The following BMPR1B variants were observed in gnomAD, a reference collection of about 807,000 sequenced individuals.
The protein encoded by BMPR1B is bone morphogenetic protein receptor type-1B.
Under a neutral mutation model 59.1 loss-of-function variants are expected in BMPR1B, and 12 were observed. The ratio of observed to expected loss-of-function variants is 0.20; its 90% CI spans 0.13 to 0.33. BMPR1B has a LOEUF of 0.33. Among genes scored for constraint, BMPR1B ranks in the 10% least tolerant of loss-of-function variants. The pLI, the probability that BMPR1B is intolerant of heterozygous loss-of-function variation, is 1.00. For missense variants in BMPR1B, 550 were observed against 610.9 expected (o/e 0.90, Z 1.05); for synonymous variants, 237 against 207.3 (o/e 1.14, Z -1.23).
At chr4:94,941,516 A>G (rs1027786468) in intron 2 of BMPR1B, among the ~76,000 whole-genome samples, 3 of 152,172 alleles carry the variant, frequency 2.0e-5, no homozygotes, top group Non-Finnish European at 4.4e-5. Context: ...GTTAAAATCA[A>G]TATTTTCTTT....
chr4:94,848,300 C>T (rs997873613), intron 1 of BMPR1B, among the ~76,000 whole-genome samples: 9 of 152,124 alleles, frequency 5.9e-5, no homozygotes, highest in African/African-American at 2.2e-4. Context: ...CATTAAACCC[C>T]CAACATGCCC....
intron 10 of BMPR1B, among the ~76,000 whole-genome samples, chr4:95,143,097 C>T (rs1455201406): frequency 6.6e-6 from 1 of 152,140 alleles, no homozygotes; most frequent in Admixed American, 6.5e-5. Flanking sequence ...GCTGAAGGCT[C>T]CACTTTCAGC....
At chr4:94,763,717 C>T (rs1376277600) in intron 1 of BMPR1B, among the ~76,000 whole-genome samples, 5 of 152,254 alleles carry the variant, frequency 3.3e-5, no homozygotes, top group Admixed American at 1.3e-4. Context: ...TGATGATTTA[C>T]GAATGTAAAA....
chr4:94,848,667 C>G (rs1318276859), intron 1 of BMPR1B, among the ~76,000 whole-genome samples: 3 of 152,092 alleles, frequency 2.0e-5, no homozygotes, highest in African/African-American at 7.2e-5. Context: ...ATAATATGAA[C>G]TATCATTGAT....
chr4:95,052,732 A>G (rs865962435), intron 3 of BMPR1B, among the ~76,000 whole-genome samples: 4 of 152,276 alleles, frequency 2.6e-5, no homozygotes, highest in Middle Eastern at 3.4e-3. Context: ...CCCTACGGAA[A>G]AAGTTTTTAA....
At chr4:95,125,948 A>G (rs1351311839) in intron 8 of BMPR1B, among the ~76,000 whole-genome samples, 2 of 152,088 alleles carry the variant, frequency 1.3e-5, no homozygotes, top group Non-Finnish European at 2.9e-5. Context: ...CCTGGGCTCT[A>G]GCATCACCTT....
At chr4:94,960,265 T>C (rs1209675604) in intron 2 of BMPR1B, among the ~76,000 whole-genome samples, 4 of 152,186 alleles carry the variant, frequency 2.6e-5, no homozygotes, top group Non-Finnish European at 5.9e-5. Context: ...AGCTGTAGTA[T>C]TAAGACTCTT....
intron 1 of BMPR1B, among the ~76,000 whole-genome samples, chr4:94,798,560 A>G (rs1367148999): frequency 1.3e-5 from 2 of 152,116 alleles, no homozygotes; most frequent in African/African-American, 4.8e-5. Context: ...CCTTGCTCCC[A>G]CGGACGTTTA....
chr4:94,836,170 T>C (rs916369984), intron 1 of BMPR1B, among the ~76,000 whole-genome samples: 12 of 149,894 alleles, frequency 8.0e-5, no homozygotes, highest in African/African-American at 3.0e-4. Flanking sequence ...TGTTGGACAT[T>C]TGGGTTGGTT....
intron 1 of BMPR1B, among the ~76,000 whole-genome samples, chr4:94,874,531 C>A (rs1726638999): frequency 6.6e-6 from 1 of 151,990 alleles, no homozygotes; most frequent in African/African-American, 2.4e-5. Flanking sequence ...CAATTAAAAT[C>A]TAATTGTGAT....
intron 2 of BMPR1B, among the ~76,000 whole-genome samples, chr4:94,887,600 A>C (rs992706339): frequency 6.6e-6 from 1 of 151,910 alleles, no homozygotes; most frequent in East Asian, 1.9e-4. Context: ...AAATGACAAA[A>C]TTATCTCAAA....
chr4:94,946,577 T>A (rs1729716871), intron 2 of BMPR1B, among the ~76,000 whole-genome samples: 1 of 152,228 alleles, frequency 6.6e-6, no homozygotes, highest in African/African-American at 2.4e-5. Flanking sequence ...AATTGAACCT[T>A]AATACCTGTT....
At chr4:95,053,281 TTGTGTG>T (rs60404669) in intron 3 of BMPR1B, among the ~76,000 whole-genome samples, 3,739 of 134,292 alleles carry the variant, frequency 0.028, 86 homozygotes, top group African/African-American at 0.059. Flanking sequence ...TGCAGGGCAC[TTGTGTG>T]TGTGTGTGTG....
In BMPR1B at chr4:95,156,472, C is replaced by T. The variant is rs907560201; in HGVS notation, c.*1799C>T. The T allele has an allele frequency of 7.2e-5, 11 of 151,962 alleles. No individual in the cohort carries two copies. The highest frequency in any genetic ancestry group is 2.0e-4 in the Admixed American group (3 of 15,250). 9.4% of individuals were successfully genotyped at this position (151,962 alleles called of 1,614,324 possible). On this transcript the variant is annotated 3_prime_UTR_variant, in exon 13 of 13. Transcript: ENST00000515059. Reference sequence around the variant, plus strand: ...AAAACATTTTCCTCACTTCTGAAGTCGGTTTGCAGCTGGTAACTTGTTCAT... The same window carrying T: ...AAAACATTTTCCTCACTTCTGAAGTTGGTTTGCAGCTGGTAACTTGTTCAT...
At chr4:95,139,630 A>G (rs1316270788) in intron 10 of BMPR1B, among the ~76,000 whole-genome samples, 3 of 152,174 alleles carry the variant, frequency 2.0e-5, no homozygotes, top group Non-Finnish European at 2.9e-5. Flanking sequence ...CCCCTCCCTC[A>G]GCCTCGCTGC....
chr4:95,039,737 C>G (rs906292541), intron 3 of BMPR1B, among the ~76,000 whole-genome samples: 4 of 152,122 alleles, frequency 2.6e-5, no homozygotes. Flanking sequence ...AATTTGTAAA[C>G]TTTCTTAAAA....
At chr4:95,024,386 A>T (rs1175512937) in intron 3 of BMPR1B, among the ~76,000 whole-genome samples, 5 of 152,150 alleles carry the variant, frequency 3.3e-5, no homozygotes, top group Admixed American at 3.3e-4. Context: ...GCTTTCTAGA[A>T]TTCTCCTATG....
chr4:95,097,775 A>C (rs1730536181), intron 3 of BMPR1B, among the ~76,000 whole-genome samples: 1 of 152,142 alleles, frequency 6.6e-6, no homozygotes, highest in Admixed American at 6.6e-5. Flanking sequence ...TGACCTCATG[A>C]TCCGACCTCC....
rs545411432 is a variant in BMPR1B at position 94,964,959 on chromosome 4, C to CT, written c.-112-31080dup. On this transcript the variant is annotated intron_variant, in intron 2 of 12. Transcript: ENST00000515059. Reference sequence around the variant, plus strand: ...ACCCTTGCCCCTGCCTATTCTAATGCTGAATTTCTTTCAAGACCATGCTGA... The same window carrying CT: ...ACCCTTGCCCCTGCCTATTCTAATGCTTGAATTTCTTTCAAGACCATGCTGA... Among the ~76,000 whole-genome samples the CT allele has an allele frequency of 3.5e-3, 526 of 152,232 alleles. 1 individual carries two copies. The highest frequency in any genetic ancestry group is 0.012 in the African/African-American group (501 of 41,560).
Sources: gnomAD v4.1 joint callset for allele counts (sites outside exome capture counted in the v4.1 genomes callset) on GRCh38, gnomAD v4.1.1 for gene constraint, MANE v1.5 for transcripts, NCBI Gene and HGNC (gene_info 2026-07-23, HGNC 2026-07-21) for gene names.